Variants in ADAM22 observed in about 807,000 individuals in gnomAD.
ADAM22 encodes disintegrin and metalloproteinase domain-containing protein 22.
A neutral mutation model predicts 144.6 loss-of-function variants in ADAM22; 65 were observed. That is an observed-to-expected ratio of 0.45 (90% confidence interval 0.37 to 0.55). The LOEUF (loss-of-function observed/expected upper bound fraction) is 0.55. ADAM22 is among the 20% of genes least tolerant of loss of function. ADAM22 has a pLI of 0.00. For synonymous variants in ADAM22, 391 were observed against 412.6 expected, an observed-to-expected ratio of 0.95 and a Z score of 0.63; for missense variants, 974 against 1,184.9, an observed-to-expected ratio of 0.82 and a Z score of 2.61.
At chr7:88,010,559 T>C (rs968651059) in intron 3 of ADAM22, among the ~76,000 whole-genome samples, 1 of 152,136 alleles carries the variant, frequency 6.6e-6, no homozygotes, top group African/African-American at 2.4e-5. Flanking sequence ...TTGCAGGCAG[T>C]GTGGGGTTCT....
rs1584399176 is a variant in ADAM22, at chr7:87,934,504, GCT to G, written c.42_43del (p.Val16ProfsTer71). The stretch of plus-strand genomic sequence containing the variant: ...TGGCTGTGTCCGTGCCCTTCTTGCT[GCT>G]CTGTGTCCTGGGGACCTGCCCTCCG... ...AVAVSVPFLL[L>X]CVLGTCPPAR... On this transcript the variant is annotated frameshift_variant, in exon 1 of 32. Transcript: ENST00000413139. LOFTEE classifies it high-confidence loss of function. 6.2e-7 allele frequency: 1 copy of G among 1,608,838 alleles called. No individual in the cohort carries two copies. The highest frequency in any genetic ancestry group is 8.5e-7 in the Non-Finnish European group (1 of 1,179,584).
chr7:88,193,156 T>A lies in ADAM22; in HGVS notation c.2791T>A (p.Ser931Thr). 1 of 1,614,104 alleles carries A rather than the reference T, an allele frequency of 6.2e-7. No individual in the cohort carries two copies. The highest frequency in any genetic ancestry group is 1.1e-5 in the South Asian group (1 of 91,072). ...CAAGTCTCCTTCTTCATCAACTGGG[T>A]CTATTGCCTCCAGCAGAAAATACCC... ...PAKSPSSSTG[S>T]IASSRKYPYP... Residue 931 changes from serine to threonine, a missense_variant, in exon 31 of 32, where the codon TCT (serine) becomes ACT (threonine). Around this residue, in one of 2 missense-constraint regions of ADAM22, gnomAD observed 734 missense variants for 950.6 expected, o/e 0.77. Coordinates refer to ENST00000413139, the MANE Select transcript of ADAM22 (RefSeq NM_001324418.2).
intron 3 of ADAM22, among the ~76,000 whole-genome samples, chr7:88,003,655 G>A (rs186468262): frequency 8.7e-4 from 133 of 152,276 alleles, no homozygotes; most frequent in African/African-American, 3.1e-3. Flanking sequence ...GGAGGGCAGG[G>A]AATCTTGTTC....
At chr7:88,185,370 A>AT (rs1456628012) in intron 29 of ADAM22, among the ~76,000 whole-genome samples, 1 of 152,170 alleles carries the variant, frequency 6.6e-6, no homozygotes, top group Non-Finnish European at 1.5e-5. Context: ...ATAACCTGAT[A>AT]TTTTTATATA....
intron 2 of ADAM22, among the ~76,000 whole-genome samples, chr7:87,949,053 T>C (rs1462581802): frequency 6.6e-6 from 1 of 152,244 alleles, no homozygotes; most frequent in African/African-American, 2.4e-5. Context: ...CTGGATTATG[T>C]AATGCTTTCG....
chr7:88,073,305 G>A (rs375597635), intron 3 of ADAM22, among the ~76,000 whole-genome samples: 1 of 152,120 alleles, frequency 6.6e-6, no homozygotes, highest in Non-Finnish European at 1.5e-5. Flanking sequence ...TTGGAATAAT[G>A]TATTTTCTAT....
At chr7:87,998,891 A>T (rs1436114313) in intron 3 of ADAM22, among the ~76,000 whole-genome samples, 4 of 152,180 alleles carry the variant, frequency 2.6e-5, no homozygotes, top group Non-Finnish European at 4.4e-5. Flanking sequence ...TTTGGTACAG[A>T]AATATTAATA....
intron 30 of ADAM22, among the ~76,000 whole-genome samples, chr7:88,192,477 T>C (rs1463741723): frequency 3.9e-5 from 6 of 152,192 alleles, no homozygotes; most frequent in Admixed American, 1.3e-4. Context: ...ATGCTGATTG[T>C]AGGGACTAAT....
At chr7:88,118,619 T>G (rs1828412200) in intron 7 of ADAM22, among the ~76,000 whole-genome samples, 1 of 150,582 alleles carries the variant, frequency 6.6e-6, no homozygotes, top group African/African-American at 2.4e-5. Flanking sequence ...GACTGTAGGC[T>G]TGCTAGGATA....
At chr7:88,153,755 A>G (rs1052531715) in intron 21 of ADAM22, among the ~76,000 whole-genome samples, 1 of 152,116 alleles carries the variant, frequency 6.6e-6, no homozygotes, top group African/African-American at 2.4e-5. Flanking sequence ...ACATTGTCCA[A>G]ATGCTAAATT....
intron 21 of ADAM22, among the ~76,000 whole-genome samples, chr7:88,153,921 T>G (rs1427334746): frequency 6.6e-6 from 1 of 152,242 alleles, no homozygotes; most frequent in Non-Finnish European, 1.5e-5. Context: ...CCTAGTGTAC[T>G]ACTATCAGAA....
intron 21 of ADAM22, among the ~76,000 whole-genome samples, chr7:88,154,889 A>T (rs1196241805): frequency 6.6e-6 from 1 of 152,124 alleles, no homozygotes; most frequent in Non-Finnish European, 1.5e-5. Flanking sequence ...AAAGTCTGAT[A>T]CTTTTGTATA....
At chr7:88,034,491 G>C (rs1353887197) in intron 3 of ADAM22, among the ~76,000 whole-genome samples, 1 of 152,108 alleles carries the variant, frequency 6.6e-6, no homozygotes, top group Non-Finnish European at 1.5e-5. Context: ...GCTGCAAGCT[G>C]TGCTGCCAGG....
chr7:88,029,946 G>A (rs550775823), intron 3 of ADAM22, among the ~76,000 whole-genome samples: 4 of 151,848 alleles, frequency 2.6e-5, no homozygotes, highest in African/African-American at 9.7e-5. Context: ...CCTTGAGGTA[G>A]CCTTGTTTGA....
Position 88,039,510 on chromosome 7 carries a change from C to G in ADAM22, c.324-36116C>G, listed in dbSNP as rs1478192001. On this transcript the variant is annotated intron_variant, in intron 3 of 31. Transcript: ENST00000413139. Reference sequence around the variant, plus strand: ...ACATTTCATGTACGGTGGCTATAATCTGAACCTGATTTTGTTTCTATATCT... The same window carrying G: ...ACATTTCATGTACGGTGGCTATAATGTGAACCTGATTTTGTTTCTATATCT... Among the ~76,000 whole-genome samples, 3 of 135,130 alleles carry G rather than the reference C, an allele frequency of 2.2e-5. 1 individual carries two copies. Among genetic ancestry groups the G allele is most frequent in the African/African-American group, 8.1e-5 (3 of 37,122 alleles). 88.7% of individuals were successfully genotyped at this position (135,130 alleles called of 152,430 possible).
chr7:88,081,496 TCAGG>T (rs1429393248), intron 4 of ADAM22, among the ~76,000 whole-genome samples: 1 of 152,070 alleles, frequency 6.6e-6, no homozygotes, highest in African/African-American at 2.4e-5. Context: ...GCTAGGGCAG[TCAGG>T]CAGGAGAAGG....
chr7:88,079,897 G>A (rs1454288655), intron 4 of ADAM22, among the ~76,000 whole-genome samples: 1 of 152,088 alleles, frequency 6.6e-6, no homozygotes, highest in Non-Finnish European at 1.5e-5. Flanking sequence ...CAATAATAAT[G>A]GGAGACTTTA....
chr7:87,940,985 T>C (rs948793724), intron 2 of ADAM22, among the ~76,000 whole-genome samples: 2 of 152,210 alleles, frequency 1.3e-5, no homozygotes, highest in African/African-American at 4.8e-5. Context: ...TTAATGATTC[T>C]TTTTTGTCAA....
intron 2 of ADAM22, among the ~76,000 whole-genome samples, chr7:87,944,926 T>C (rs767731726): frequency 1.5e-5 from 2 of 135,248 alleles, no homozygotes; most frequent in Non-Finnish European, 3.0e-5. Context: ...TCCTATTCTA[T>C]ATGTGTGTGT....
Sources: allele counts gnomAD v4.1 joint callset (sites outside exome capture counted in the v4.1 genomes callset), GRCh38; gene constraint gnomAD v4.1.1; regional missense constraint gnomAD v4.1.1; transcripts MANE v1.5; gene names NCBI Gene and HGNC (gene_info 2026-07-23, HGNC 2026-07-21).